Variants in ZFP2 observed in about 807,000 individuals in gnomAD.
ZFP2 encodes zinc finger protein ZFP2.
A neutral mutation model predicts 36.1 loss-of-function variants in ZFP2; 33 were observed. The ratio of observed to expected loss-of-function variants is 0.92; its 90% CI spans 0.69 to 1.22. ZFP2 has a LOEUF of 1.22. Ranked by LOEUF, ZFP2 falls within the 50% of genes most tolerant of loss-of-function variation. The pLI, the probability that ZFP2 is intolerant of heterozygous loss-of-function variation, is 0.00. For synonymous variants in ZFP2, 170 were observed against 178.0 expected, an observed-to-expected ratio of 0.96 and a Z score of 0.36; for missense variants, 522 against 551.4, an observed-to-expected ratio of 0.95 and a Z score of 0.53.
intron 1 of ZFP2, among the ~76,000 whole-genome samples, chr5:178,896,490 C>G (rs995403576): frequency 2.0e-5 from 3 of 152,200 alleles, no homozygotes; most frequent in Non-Finnish European, 4.4e-5. Context: ...TTTGTGTAAA[C>G]CGGGTCTCCG....
chr5:178,928,900 A>G (rs1031494147), intron 4 of ZFP2, among the ~76,000 whole-genome samples: 5 of 152,174 alleles, frequency 3.3e-5, no homozygotes, highest in Non-Finnish European at 5.9e-5. Flanking sequence ...AGGCTTTTCT[A>G]TACATCCTCT....
chr5:178,908,257 G>A (rs1429445058), intron 1 of ZFP2, among the ~76,000 whole-genome samples: 2 of 151,984 alleles, frequency 1.3e-5, no homozygotes, highest in East Asian at 3.9e-4. Flanking sequence ...GACAATCCTG[G>A]CTAACATGGT....
rs998948273 is a variant in ZFP2, at chr5:178,895,933, G to A, written c.-491G>A. ...GCTCCGGGCTGTAAGCGCCGGTCGCGGCTGTGTCGGTCGCCGCTGCTCCCG... is the reference window on the plus strand; with the variant it reads ...GCTCCGGGCTGTAAGCGCCGGTCGCAGCTGTGTCGGTCGCCGCTGCTCCCG... On this transcript the variant is annotated 5_prime_UTR_variant, in exon 1 of 5. Transcript: ENST00000361362. 23 of 152,508 alleles carry A rather than the reference G, an allele frequency of 1.5e-4. No homozygotes were observed. The highest frequency in any genetic ancestry group is 5.3e-4 in the African/African-American group (22 of 41,598). The allele number at this position is 152,508 out of a possible 1,614,324, so 9.4% of individuals were successfully genotyped here.
intron 4 of ZFP2, among the ~76,000 whole-genome samples, chr5:178,926,838 T>A (rs1758685105): frequency 6.6e-6 from 1 of 152,316 alleles, no homozygotes; most frequent in Non-Finnish European, 1.5e-5. Flanking sequence ...ATTTTCATAC[T>A]CAGTTTGACA....
intron 4 of ZFP2, among the ~76,000 whole-genome samples, chr5:178,927,728 G>A (rs1758713732): frequency 6.7e-6 from 1 of 149,804 alleles, no homozygotes; most frequent in Non-Finnish European, 1.5e-5. Context: ...TAGAGATGGG[G>A]TTTTGCTATG....
At chr5:178,908,865 A>AG (rs1554106148) in intron 1 of ZFP2, among the ~76,000 whole-genome samples, 4 of 152,090 alleles carry the variant, frequency 2.6e-5, no homozygotes, top group African/African-American at 7.2e-5. Flanking sequence ...TGGGAAAAAA[A>AG]GCTGAGGCAG....
At chr5:178,903,030 G>A (rs535046664) in intron 1 of ZFP2, among the ~76,000 whole-genome samples, 13 of 152,250 alleles carry the variant, frequency 8.5e-5, no homozygotes, top group East Asian at 1.9e-4. Flanking sequence ...CAGGCATTTT[G>A]TCACTTTTGT....
chr5:178,924,850 A>AAAT lies in ZFP2; in HGVS notation c.-77-6369_-77-6367dup, dbSNP rs963954763. ...GCGACAAGAGCAAAACTCCATCTCAAAATAATAATAATAATAATAAGGCAG... is the reference window on the plus strand; with the variant it reads ...GCGACAAGAGCAAAACTCCATCTCAAAATAATAATAATAATAATAATAAGGCAG... On this transcript the variant is annotated intron_variant, in intron 4 of 4. Coordinates refer to ENST00000361362, the MANE Select transcript of ZFP2 (RefSeq NM_030613.4). 3.7e-4 allele frequency among the ~76,000 whole-genome samples: 54 copies of AAAT among 147,578 alleles called. 1 individual carries two copies. The South Asian group carries it at 6.0e-3, about 16-fold the overall frequency.
chr5:178,899,870 G>C (rs561606931), intron 1 of ZFP2, among the ~76,000 whole-genome samples: 1 of 152,020 alleles, frequency 6.6e-6, no homozygotes, highest in Non-Finnish European at 1.5e-5. Context: ...ATGTATTAGG[G>C]GTCGTTGATT....
At chr5:178,909,026 C>T (rs1181416680) in intron 1 of ZFP2, among the ~76,000 whole-genome samples, 1 of 150,612 alleles carries the variant, frequency 6.6e-6, no homozygotes, top group African/African-American at 2.4e-5. Flanking sequence ...GGGCGTAAAA[C>T]CCCTCGTGGC....
In ZFP2 at chr5:178,916,712, T is replaced by A. The variant is rs1401016326; in HGVS notation, c.-78+2T>A. On this transcript the variant is annotated splice_donor_variant, in intron 4 of 4. Transcript: ENST00000361362. LOFTEE classifies it low-confidence loss of function (5UTR_SPLICE). ...TTACTTGACACAAAACATCTATAGG[T>A]AAGTACTGGTACTCCTCTTACGGTG... is the stretch of plus-strand genomic sequence containing the variant. 1.0e-6 allele frequency: 1 copy of A among 985,334 alleles called. No individual in the cohort carries two copies. Among genetic ancestry groups the A allele is most frequent in the Non-Finnish European group, 1.2e-6 (1 of 829,936 alleles). The allele number at this position is 985,334 out of a possible 1,614,324, so 61.0% of individuals were successfully genotyped here.
At position 178,917,492 on chromosome 5, in the gene ZFP2, A is replaced by G. The variant is rs139305488; in HGVS notation, c.-78+782A>G. 2.7e-3 allele frequency among the ~76,000 whole-genome samples: 408 copies of G among 152,232 alleles called. 2 individuals carry two copies. Among genetic ancestry groups the G allele is most frequent in the African/African-American group, 9.4e-3 (389 of 41,528 alleles). Reference sequence around the variant, plus strand: ...TAGCCAGGTATGGTGGCACGTACCTATAATTCCAGCTACTCAGGAGGCTGA... The same window carrying G: ...TAGCCAGGTATGGTGGCACGTACCTGTAATTCCAGCTACTCAGGAGGCTGA... On this transcript the variant is annotated intron_variant, in intron 4 of 4. Coordinates refer to ENST00000361362, the MANE Select transcript of ZFP2 (RefSeq NM_030613.4).
intron 1 of ZFP2, among the ~76,000 whole-genome samples, chr5:178,908,153 AAAT>A (rs1468509987): frequency 6.6e-6 from 1 of 152,166 alleles, no homozygotes; most frequent in Non-Finnish European, 1.5e-5. Flanking sequence ...AAATCTTTAA[AAAT>A]AATTATTACT....
intron 4 of ZFP2, 88 bp from the exon 5 acceptor site, chr5:178,931,149 T>C: frequency 7.4e-7 from 1 of 1,344,174 alleles, no homozygotes; most frequent in South Asian, 1.8e-5. Flanking sequence ...AGTTGATAGC[T>C]AGTTTAATTC....
At chr5:178,904,725 C>CA (rs1279216623) in intron 1 of ZFP2, among the ~76,000 whole-genome samples, 2 of 101,486 alleles carry the variant, frequency 2.0e-5, no homozygotes, top group Non-Finnish European at 3.6e-5. Context: ...TTTTGAGAGA[C>CA]AGAGTCTTGC....
At chr5:178,921,886 T>C (rs1032203091) in intron 4 of ZFP2, among the ~76,000 whole-genome samples, 1 of 149,510 alleles carries the variant, frequency 6.7e-6, no homozygotes, top group Non-Finnish European at 1.5e-5. Context: ...CATGGTGGAA[T>C]AGGCCTACTC....
rs768954305 is a variant in ZFP2 at position 178,922,935 on chromosome 5, T to G, written c.-78+6225T>G. The stretch of plus-strand genomic sequence containing the variant: ...ATAGAAAAAAAAATATTGAAAGCTA[T>G]ATAATTTCCTCTAAGCATTGCTTTG... On this transcript the variant is annotated intron_variant, in intron 4 of 4. Transcript: ENST00000361362. Among the ~76,000 whole-genome samples the G allele has an allele frequency of 2.1e-4, 31 of 149,556 alleles. 2 individuals carry two copies. The highest frequency in any genetic ancestry group is 1.5e-3 in the Admixed American group (22 of 14,914).
At chr5:178,904,735 C>T (rs1758133107) in intron 1 of ZFP2, among the ~76,000 whole-genome samples, 1 of 113,588 alleles carries the variant, frequency 8.8e-6, no homozygotes, top group Admixed American at 1.2e-4. Context: ...CAGAGTCTTG[C>T]TCTGTCTCCC....
At chr5:178,918,801 C>G (rs1294897739) in intron 4 of ZFP2, among the ~76,000 whole-genome samples, 2 of 152,130 alleles carry the variant, frequency 1.3e-5, no homozygotes, top group African/African-American at 4.8e-5. Flanking sequence ...CTTATTACAT[C>G]CAAGCATAAT....
Sources: allele counts gnomAD v4.1 joint callset (sites outside exome capture counted in the v4.1 genomes callset), GRCh38; gene constraint gnomAD v4.1.1; transcripts MANE v1.5; gene names NCBI Gene and HGNC (gene_info 2026-07-23, HGNC 2026-07-21).